The following DPP9 variants were observed in gnomAD, a reference collection of about 807,000 sequenced individuals.
The protein encoded by DPP9 is dipeptidyl peptidase IV-related protein-2.
Under a neutral mutation model 110.7 loss-of-function variants are expected in DPP9, and 50 were observed. That is an observed-to-expected ratio of 0.45 (90% CI 0.36 to 0.57). The LOEUF is 0.57. Among genes scored for constraint, DPP9 ranks in the 20% least tolerant of loss-of-function variants. The probability of loss-of-function intolerance (pLI) is 0.00; values close to 1 mark genes in which losing one functional copy is unlikely to be tolerated. For synonymous variants in DPP9, 561 were observed against 514.4 expected, an observed-to-expected ratio of 1.09 and a Z score of -1.23; for missense variants, 1,022 against 1,217.9, an observed-to-expected ratio of 0.84 and a Z score of 2.39.
In DPP9 at chr19:4,700,146, A is replaced by G; in HGVS notation, c.1074+70T>C. ...AGGGAGGTGAGTGACCTGCCCATCC[A>G]CCCAGCTGCCTACCCGGCCCTTCCC... On this transcript the variant is annotated intron_variant, in intron 10 of 21. Transcript: ENST00000262960. The surrounding 1 kb of genome is among the most constrained non-coding windows in gnomAD (Gnocchi z 4.3). The G allele has an allele frequency of 7.6e-7, 1 of 1,311,488 alleles. No homozygotes were observed. Among genetic ancestry groups the G allele is most frequent in the Non-Finnish European group, 1.0e-6 (1 of 974,406 alleles). 81.2% of individuals were successfully genotyped at this position (1,311,488 alleles called of 1,614,324 possible).
intron 19 of DPP9, 190 bp downstream of exon 19, chr19:4,683,287 G>A: frequency 6.9e-7 from 1 of 1,439,004 alleles, no homozygotes. Flanking sequence ...GTCGGCGGTG[G>A]CGGGCAATGA....
intron 13 of DPP9, 29 bp from the exon 14 acceptor site, chr19:4,690,986 G>A: frequency 3.2e-6 from 5 of 1,584,100 alleles, no homozygotes; most frequent in Non-Finnish European, 4.3e-6. Context: ...GGGAGGTGAA[G>A]GGGCCTGGGA....
chr19:4,723,607 C>G (rs943308519), intron 1 of DPP9, 67 bp downstream of exon 1: 4 of 155,944 alleles, frequency 2.6e-5, no homozygotes, highest in Non-Finnish European at 5.7e-5. Flanking sequence ...AGGGCCGAGG[C>G]GGGGCCGGTC....
chr19:4,700,325 G>A lies in DPP9; in HGVS notation c.1013-48C>T. The A allele has an allele frequency of 2.6e-6, 4 of 1,528,990 alleles. No homozygotes were observed. Among genetic ancestry groups the A allele is most frequent in the Non-Finnish European group, 3.6e-6 (4 of 1,120,842 alleles). The allele number at this position is 1,528,990 out of a possible 1,614,324, so 94.7% of individuals were successfully genotyped here. ...AACACCAGGCAGGCATCACCCGTGT[G>A]TGCCGAGAGCCGGCACGGGGGGCCT... On this transcript the variant is annotated intron_variant, in intron 9 of 21. Coordinates refer to ENST00000262960, the MANE Select transcript of DPP9 (RefSeq NM_139159.5). The surrounding 1 kb of genome is among the most constrained non-coding windows in gnomAD (Gnocchi z 4.3).
chr19:4,722,499 C>T lies in DPP9; in HGVS notation c.-36G>A. The T allele has an allele frequency of 1.4e-6, 1 of 703,098 alleles. No homozygotes were observed. The highest frequency in any genetic ancestry group is 2.6e-6 in the Non-Finnish European group (1 of 385,010). The allele number at this position is 703,098 out of a possible 1,614,324, so 43.6% of individuals were successfully genotyped here. A position where few individuals can be genotyped will look rare whatever the true frequency, so the allele number is the denominator to read the frequency against. On this transcript the variant is annotated splice_region_variant and 5_prime_UTR_variant, in exon 2 of 22. Coordinates refer to ENST00000262960, the MANE Select transcript of DPP9 (RefSeq NM_139159.5). ...GCTGCCAAACCCCAGCACAACTGACCTTCTAAAGGGTCCAGAGAGCCTCCA... is the reference window on the plus strand; with the variant it reads ...GCTGCCAAACCCCAGCACAACTGACTTTCTAAAGGGTCCAGAGAGCCTCCA...
Position 4,698,843 on chromosome 19 carries a change from C to G in DPP9, c.1075-1192G>C, listed in dbSNP as rs539464450. ...GCCACTCAGACTGATCACCTAAAAT[C>G]TGCCAGAATGCTACTGTCAAGAATG... On this transcript the variant is annotated intron_variant, in intron 10 of 21. Coordinates refer to ENST00000262960, the MANE Select transcript of DPP9 (RefSeq NM_139159.5). This position sits in a 1 kb window ranked among gnomAD's most constrained non-coding sequence, Gnocchi z 4.2. Among the ~76,000 whole-genome samples the G allele has an allele frequency of 1.3e-5, 2 of 152,186 alleles. No homozygotes were observed. Among genetic ancestry groups the G allele is most frequent in the Non-Finnish European group, 2.9e-5 (2 of 68,008 alleles).
chr19:4,719,496 T>C, intron 3 of DPP9: 1 of 308,860 alleles, frequency 3.2e-6, no homozygotes, highest in Non-Finnish European at 6.2e-6. Context: ...TACCCAGGAG[T>C]GATTCTGCCC....
At chr19:4,690,826 T>C in intron 14 of DPP9, 52 bp downstream of exon 14, 1 of 1,420,448 alleles carries the variant, frequency 7.0e-7, no homozygotes, top group Non-Finnish European at 9.9e-7. Flanking sequence ...AGTGTATGTG[T>C]GTAAAACACA....
In DPP9 at chr19:4,702,596, G is replaced by A; in HGVS notation, c.883+7C>T. ...CGGGAGCATGTTGAAAAATGGAAGGGACCTACCTTCCCAGGAGGCTGTGGG... is the reference window on the plus strand; with the variant it reads ...CGGGAGCATGTTGAAAAATGGAAGGAACCTACCTTCCCAGGAGGCTGTGGG... On this transcript the variant is annotated splice_region_variant and intron_variant, in intron 8 of 21. Transcript: ENST00000262960. The A allele has an allele frequency of 6.3e-7, 1 of 1,583,072 alleles. No homozygotes were observed. Among genetic ancestry groups the A allele is most frequent in the Non-Finnish European group, 8.6e-7 (1 of 1,163,336 alleles).
At chr19:4,721,135 C>T (rs1377941908) in intron 2 of DPP9, among the ~76,000 whole-genome samples, 1 of 152,170 alleles carries the variant, frequency 6.6e-6, no homozygotes. Context: ...TGGAGGCCAG[C>T]GATGCTGCTC....
chr19:4,700,420 C>T lies in DPP9; in HGVS notation c.1013-143G>A. ...GGGAGGCAGGAGAAGCCAGGTGTCCCACGGTCTGTCTGTAGGCACATCGTC... is the reference window on the plus strand; with the variant it reads ...GGGAGGCAGGAGAAGCCAGGTGTCCTACGGTCTGTCTGTAGGCACATCGTC... On this transcript the variant is annotated intron_variant, in intron 9 of 21. Coordinates refer to ENST00000262960, the MANE Select transcript of DPP9 (RefSeq NM_139159.5). This position sits in a 1 kb window ranked among gnomAD's most constrained non-coding sequence, Gnocchi z 4.3. 1.8e-6 allele frequency: 1 copy of T among 554,106 alleles called. No homozygotes were observed. Among genetic ancestry groups the T allele is most frequent in the Non-Finnish European group, 3.1e-6 (1 of 319,088 alleles). 34.3% of individuals were successfully genotyped at this position (554,106 alleles called of 1,614,324 possible).
At chr19:4,688,417 G>A in intron 16 of DPP9, 2 of 277,294 alleles carry the variant, frequency 7.2e-6, no homozygotes, top group East Asian at 1.2e-4. Context: ...TGATGAAAAT[G>A]TTTACTTGTC....
intron 18 of DPP9, chr19:4,683,985 G>A (rs2090308701): frequency 4.1e-6 from 2 of 493,590 alleles, no homozygotes; most frequent in Non-Finnish European, 6.9e-6. Context: ...AGGGCACAAA[G>A]AATGGCTGGT....
chr19:4,713,988 C>CCAA, intron 4 of DPP9, 93 bp downstream of exon 4: 1 of 1,461,966 alleles, frequency 6.8e-7, no homozygotes, highest in Non-Finnish European at 9.1e-7. Flanking sequence ...AGCAGATCTT[C>CCAA]CAACTCCTGT....
At chr19:4,680,792 A>G (rs1225530822) in intron 20 of DPP9, among the ~76,000 whole-genome samples, 1 of 152,160 alleles carries the variant, frequency 6.6e-6, no homozygotes, top group Non-Finnish European at 1.5e-5. Flanking sequence ...CCCCATCTCT[A>G]TTAAAGATAC....
Position 4,688,794 on chromosome 19 carries a change from C to A in DPP9, c.1848G>T (p.Lys616Asn). ...TCATGCTAGCCCAGAAGCGGGGCTG[C>A]TTGTGCAGGGGGTCGTCGTCGGGGC... ...LSGPDDDPLH[K>N]QPRFWASMME... The change falls in exon 16 of 22, where the codon AAG (lysine) becomes AAT (asparagine). Residue 616 changes from lysine (K) to asparagine (N), a missense_variant. Physicochemically the swap from Lys to Asn is moderately conservative, Grantham distance 94. This residue lies in a region of DPP9 where 810 missense variants were observed against 920.6 expected (regional missense o/e 0.88). Coordinates refer to ENST00000262960, the MANE Select transcript of DPP9 (RefSeq NM_139159.5). 6.8e-7 allele frequency: 1 copy of A among 1,475,120 alleles called. No individual in the cohort carries two copies. Among genetic ancestry groups the A allele is most frequent in the South Asian group, 1.4e-5 (1 of 70,060 alleles). The allele number at this position is 1,475,120 out of a possible 1,614,324, so 91.4% of individuals were successfully genotyped here. A position where few individuals can be genotyped will look rare whatever the true frequency, so the allele number is the denominator to read the frequency against.
intron 16 of DPP9, 95 bp downstream of exon 16, chr19:4,688,662 C>G (rs2091022320): frequency 7.5e-7 from 1 of 1,336,742 alleles, no homozygotes; most frequent in East Asian, 3.1e-5. Context: ...CAGGCCAGCT[C>G]CAGGCCTCTG....
At chr19:4,719,293 A>G (rs1455248581) in intron 3 of DPP9, 1 of 151,940 alleles carries the variant, frequency 6.6e-6, no homozygotes, top group African/African-American at 2.4e-5. Flanking sequence ...GTGCCACTGC[A>G]CTCCAGCCTG....
intron 10 of DPP9, among the ~76,000 whole-genome samples, chr19:4,699,158 C>CAAAA (rs144927941): frequency 1.1e-3 from 55 of 50,720 alleles, no homozygotes; most frequent in Non-Finnish European, 1.5e-3. Context: ...GACTCCACCT[C>CAAAA]AAAAAAAAAA....
Sources: gnomAD v4.1 joint callset for allele counts (sites outside exome capture counted in the v4.1 genomes callset) on GRCh38, gnomAD v4.1.1 for gene constraint, gnomAD v4.1.1 regional missense constraint, Gnocchi (gnomAD v3.1) non-coding constraint, MANE v1.5 for transcripts, NCBI Gene and HGNC (gene_info 2026-07-23, HGNC 2026-07-21) for gene names.